Variants in MFN1 observed in about 807,000 individuals in gnomAD.
MFN1 encodes the protein mitofusin-1.
A neutral mutation model predicts 92.4 loss-of-function variants in MFN1; 65 were observed. The ratio of observed to expected loss-of-function variants is 0.70; its 90% CI spans 0.58 to 0.86. The LOEUF is 0.86. Among genes scored for constraint, MFN1 ranks in the 40% least tolerant of loss-of-function variants. The probability of loss-of-function intolerance (pLI) is 0.00; values close to 1 mark genes in which losing one functional copy is unlikely to be tolerated. For missense variants in MFN1, 781 were observed against 868.0 expected (o/e 0.90, Z 1.26); for synonymous variants, 297 against 300.9 (o/e 0.99, Z 0.13).
At chr3:179,369,744 A>G (rs932365650) in intron 9 of MFN1, among the ~76,000 whole-genome samples, 4 of 152,174 alleles carry the variant, frequency 2.6e-5, no homozygotes, top group African/African-American at 9.6e-5. Flanking sequence ...ATATACATAT[A>G]TATTCAAAGT....
chr3:179,379,456 C>G (rs1258596719), intron 14 of MFN1, among the ~76,000 whole-genome samples: 5 of 152,116 alleles, frequency 3.3e-5, no homozygotes, highest in African/African-American at 9.7e-5. Flanking sequence ...CGGGTTCATG[C>G]GATTCTCCTG....
intron 9 of MFN1, among the ~76,000 whole-genome samples, chr3:179,374,635 ATTATC>A: frequency 6.6e-6 from 1 of 152,178 alleles, no homozygotes; most frequent in South Asian, 2.1e-4. Context: ...AGTAATTACA[ATTATC>A]TTCTAAACAG....
chr3:179,370,765 T>C (rs1425255066), intron 9 of MFN1, among the ~76,000 whole-genome samples: 3 of 152,222 alleles, frequency 2.0e-5, no homozygotes, highest in Non-Finnish European at 2.9e-5. Flanking sequence ...TGCTTATTCT[T>C]AAAGAAAAGA....
Position 179,377,781 on chromosome 3 carries a change from T to G in MFN1, c.1329+333T>G, listed in dbSNP as rs574653691. ...AGAACTCTAATCTACAAAAAACAGT[T>G]AGGCTGGTTGCGGTGGCTCCCGCCT... On this transcript the variant is annotated intron_variant, in intron 12 of 17. Coordinates refer to ENST00000471841, the MANE Select transcript of MFN1 (RefSeq NM_033540.3). 1.1e-3 allele frequency among the ~76,000 whole-genome samples: 173 copies of G among 151,894 alleles called. 1 individual carries two copies. Among genetic ancestry groups the G allele is most frequent in the African/African-American group, 3.9e-3 (161 of 41,472 alleles).
At position 179,348,790 on chromosome 3, in the gene MFN1, T is replaced by C. The variant is rs548234324; in HGVS notation, c.-7-55T>C. ...TGAATGTCACTGGTGTGTCATCAGTTTGCATGTCTATCATCCACTTTAGTT... is the reference window on the plus strand; with the variant it reads ...TGAATGTCACTGGTGTGTCATCAGTCTGCATGTCTATCATCCACTTTAGTT... On this transcript the variant is annotated intron_variant, in intron 1 of 17. Transcript: ENST00000471841. The C allele has an allele frequency of 7.1e-5, 113 of 1,582,838 alleles. 1 individual carries two copies. In the South Asian group the frequency reaches 1.2e-3, roughly 17 times the overall value.
chr3:179,348,629 A>G, intron 1 of MFN1: 1 of 559,154 alleles, frequency 1.8e-6, no homozygotes, highest in Non-Finnish European at 2.7e-6. Context: ...TGCAACCAAG[A>G]TTTTGGCTAA....
intron 10 of MFN1, 73 bp downstream of exon 10, chr3:179,375,414 A>G: frequency 6.4e-7 from 1 of 1,562,928 alleles, no homozygotes; most frequent in Non-Finnish European, 8.7e-7. Flanking sequence ...GAGGTTTTAA[A>G]TTGTTGTACT....
intron 5 of MFN1, 93 bp from the exon 6 acceptor site, chr3:179,364,203 TA>T: frequency 1.3e-6 from 1 of 766,022 alleles, no homozygotes. Flanking sequence ...TCCTGGTTTT[TA>T]AACTTCAAAT....
At chr3:179,366,774 A>G (rs1264609569) in intron 7 of MFN1, among the ~76,000 whole-genome samples, 1 of 152,188 alleles carries the variant, frequency 6.6e-6, no homozygotes. Context: ...GTCTTAATAT[A>G]GAGATCTCTC....
rs1379480665 is a variant in MFN1, at chr3:179,351,992, G to A, written c.205G>A (p.Glu69Lys). Residue 69 changes from glutamate (E) to lysine (K), a missense_variant, in exon 3 of 18, where the codon GAG becomes AAG. Transcript: ENST00000471841. ...GYKDKLSIIG[E>K]VLSRRHMKVA... ...TAAAGACAAGCTTTCCATCATTGGT[G>A]AGGTGCTATCTCGGAGACACATGAA... The A allele has an allele frequency of 3.1e-6, 5 of 1,609,312 alleles. No individual in the cohort carries two copies. Among genetic ancestry groups the A allele is most frequent in the Non-Finnish European group, 4.2e-6 (5 of 1,176,650 alleles).
chr3:179,384,158 A>G (rs1713581662), intron 14 of MFN1, among the ~76,000 whole-genome samples: 1 of 152,216 alleles, frequency 6.6e-6, no homozygotes, highest in African/African-American at 2.4e-5. Context: ...AGGATGTATC[A>G]GTACTTCATT....
intron 14 of MFN1, among the ~76,000 whole-genome samples, chr3:179,385,203 G>A (rs1463735525): frequency 4.2e-5 from 6 of 141,486 alleles, no homozygotes; most frequent in East Asian, 2.0e-4. Flanking sequence ...GTGAGCCACC[G>A]CGCCCGGCCG....
rs79335916 is a variant in MFN1, at chr3:179,384,311, G to A, written c.1663-1258G>A. Among the ~76,000 whole-genome samples the A allele has an allele frequency of 2.1e-3, 324 of 152,212 alleles. 1 individual carries two copies. Among genetic ancestry groups the A allele is most frequent in the African/African-American group, 7.1e-3 (295 of 41,534 alleles). On this transcript the variant is annotated intron_variant, in intron 14 of 17. Transcript: ENST00000471841. ...GTACATGTTTTTTATGTGGACGTGC[G>A]TTTTCATTTCTCTTGAGTATATACG...
intron 9 of MFN1, among the ~76,000 whole-genome samples, chr3:179,371,606 G>C (rs1241083429): frequency 6.6e-6 from 1 of 152,094 alleles, no homozygotes; most frequent in Non-Finnish European, 1.5e-5. Flanking sequence ...AAATGCATTT[G>C]GACTGCATTG....
Position 179,392,530 on chromosome 3 carries a change from A to T in MFN1, c.*471A>T, listed in dbSNP as rs1713948103. ...TGGAATGTCCTTGAGTGTATTATTT[A>T]TGCAAGTCACAGTCACGTTGCCATC... On this transcript the variant is annotated 3_prime_UTR_variant, in exon 18 of 18. Coordinates refer to ENST00000471841, the MANE Select transcript of MFN1 (RefSeq NM_033540.3). 6.6e-6 allele frequency: 1 copy of T among 152,420 alleles called. No homozygotes were observed. The allele number at this position is 152,420 out of a possible 1,614,324, so 9.4% of individuals were successfully genotyped here.
chr3:179,352,676 C>G (rs1485666525), intron 3 of MFN1, among the ~76,000 whole-genome samples: 3 of 152,194 alleles, frequency 2.0e-5, no homozygotes, highest in Non-Finnish European at 4.4e-5. Flanking sequence ...CCCTCTTACC[C>G]TCACTGAATG....
chr3:179,366,303 T>A (rs1038793035), intron 7 of MFN1, among the ~76,000 whole-genome samples: 3 of 152,224 alleles, frequency 2.0e-5, no homozygotes, highest in Admixed American at 2.0e-4. Context: ...AGTAAATATA[T>A]AGCACCAGAG....
At chr3:179,359,917 TTTAG>T (rs1446256236) in intron 4 of MFN1, 1 of 152,086 alleles carries the variant, frequency 6.6e-6, no homozygotes, top group Non-Finnish European at 1.5e-5. Flanking sequence ...CTAACATTAT[TTTAG>T]TTATTTATTT....
Position 179,381,862 on chromosome 3 carries a change from T to TA in MFN1, c.1662+3054dup, listed in dbSNP as rs1713480713. Among the ~76,000 whole-genome samples the TA allele has an allele frequency of 2.6e-5, 4 of 152,192 alleles. No homozygotes were observed. In the South Asian group the frequency reaches 8.3e-4, roughly 31 times the overall value. Reference sequence around the variant, plus strand: ...ATATCTATGAAATATTCAAAAATCCTAAAAAATCTGAAATCTGAAACACTT... The same window carrying TA: ...ATATCTATGAAATATTCAAAAATCCTAAAAAAATCTGAAATCTGAAACACTT... On this transcript the variant is annotated intron_variant, in intron 14 of 17. Coordinates refer to ENST00000471841, the MANE Select transcript of MFN1 (RefSeq NM_033540.3).
Sources: allele counts gnomAD v4.1 joint callset (sites outside exome capture counted in the v4.1 genomes callset), GRCh38; gene constraint gnomAD v4.1.1; transcripts MANE v1.5; gene names NCBI Gene and HGNC (gene_info 2026-07-23, HGNC 2026-07-21).